The following GLT8D2 variants were observed in gnomAD, a reference collection of about 807,000 sequenced individuals.
GLT8D2 encodes the protein glycosyltransferase 8 domain containing 2, also known as glycosyltransferase 8 domain-containing protein 2.
In GLT8D2, 45 loss-of-function variants were observed where a neutral mutation model predicts 44.5. The observed-to-expected ratio is 1.01, with a 90% confidence interval of 0.80 to 1.30. The LOEUF (loss-of-function observed/expected upper bound fraction) is 1.30. GLT8D2 is among the 50% of genes most tolerant of loss of function. GLT8D2 has a pLI of 0.00. For synonymous variants in GLT8D2, 156 were observed against 157.2 expected (o/e 0.99, Z 0.06); for missense variants, 400 against 430.4 (o/e 0.93, Z 0.62).
intron 10 of GLT8D2, among the ~76,000 whole-genome samples, chr12:103,993,118 G>A (rs1872978029): frequency 6.6e-6 from 1 of 152,146 alleles, no homozygotes; most frequent in Admixed American, 6.5e-5. Context: ...ATCACCTAAG[G>A]TCAGGAGTTT....
intron 10 of GLT8D2, among the ~76,000 whole-genome samples, chr12:103,991,856 C>T (rs1417753763): frequency 6.9e-6 from 1 of 145,184 alleles, no homozygotes; most frequent in Non-Finnish European, 1.5e-5. Context: ...GATTATGGGA[C>T]ATAACACCTT....
In GLT8D2 at chr12:104,003,308, T is replaced by C; in HGVS notation, c.113-2A>G. 1 of 1,613,788 alleles carries C rather than the reference T, an allele frequency of 6.2e-7. No individual in the cohort carries two copies. The highest frequency in any genetic ancestry group is 8.5e-7 in the Non-Finnish European group (1 of 1,179,792). On this transcript the variant is annotated splice_acceptor_variant, in intron 4 of 10. Coordinates refer to ENST00000360814, the MANE Select transcript of GLT8D2 (RefSeq NM_001384711.1). LOFTEE classifies it high-confidence loss of function. ...CTTCAGGAGTCTCGGATTCATCATCTGGAAACATAAAAACTGGTGTCTTGG... is the reference window on the plus strand; with the variant it reads ...CTTCAGGAGTCTCGGATTCATCATCCGGAAACATAAAAACTGGTGTCTTGG...
intron 1 of GLT8D2, among the ~76,000 whole-genome samples, chr12:104,041,474 G>A (rs1279591327): frequency 6.6e-6 from 1 of 152,170 alleles, no homozygotes; most frequent in Non-Finnish European, 1.5e-5. Flanking sequence ...TCCTTGGGAG[G>A]CTGAGACAGG....
At chr12:104,007,233 G>GCT (rs57109528) in intron 4 of GLT8D2, among the ~76,000 whole-genome samples, 22,978 of 66,014 alleles carry the variant, frequency 0.35, 4,275 homozygotes, top group Non-Finnish European at 0.37. Context: ...TATACTTAAA[G>GCT]CTCTCTCTCT....
chr12:104,026,555 G>A (rs1878600185), intron 1 of GLT8D2, among the ~76,000 whole-genome samples: 3 of 152,076 alleles, frequency 2.0e-5, no homozygotes, highest in Non-Finnish European at 2.9e-5. Flanking sequence ...CAATACCTTG[G>A]ATATTCATTA....
Position 104,003,323 on chromosome 12 carries a change from T to C in GLT8D2, c.113-17A>G. The C allele has an allele frequency of 1.2e-6, 2 of 1,612,640 alleles. No individual in the cohort carries two copies. Among genetic ancestry groups the C allele is most frequent in the Non-Finnish European group, 1.7e-6 (2 of 1,178,906 alleles). On this transcript the variant is annotated splice_polypyrimidine_tract_variant and intron_variant, in intron 4 of 10. Transcript: ENST00000360814. ...ATTCATCATCTGGAAACATAAAAAC[T>C]GGTGTCTTGGAACATGAAAGAATTT...
intron 1 of GLT8D2, among the ~76,000 whole-genome samples, chr12:104,044,222 C>T (rs1264253612): frequency 6.6e-6 from 1 of 152,182 alleles, no homozygotes; most frequent in Non-Finnish European, 1.5e-5. Context: ...GGCTTGCCCC[C>T]TCATGTCTCT....
chr12:104,001,645 T>C (rs1874230725), intron 5 of GLT8D2, among the ~76,000 whole-genome samples: 1 of 152,184 alleles, frequency 6.6e-6, no homozygotes, highest in Non-Finnish European at 1.5e-5. Context: ...TGCAAAAATG[T>C]TTCAATTCAC....
intron 1 of GLT8D2, among the ~76,000 whole-genome samples, chr12:104,060,787 G>A (rs757830910): frequency 6.6e-6 from 1 of 152,088 alleles, no homozygotes; most frequent in Non-Finnish European, 1.5e-5. Context: ...GCCAGGCATG[G>A]TAGTGCACAC....
intron 1 of GLT8D2, among the ~76,000 whole-genome samples, chr12:104,058,101 C>T (rs954552803): frequency 6.6e-6 from 1 of 152,198 alleles, no homozygotes; most frequent in Non-Finnish European, 1.5e-5. Flanking sequence ...GGTAGTCTCA[C>T]CTCTCCCCTT....
intron 4 of GLT8D2, among the ~76,000 whole-genome samples, chr12:104,003,811 G>T (rs1269759463): frequency 6.6e-6 from 1 of 152,144 alleles, no homozygotes; most frequent in Admixed American, 6.6e-5. Flanking sequence ...CTTCTATTTT[G>T]TTTATGTCGC....
At position 103,998,533 on chromosome 12, in the gene GLT8D2, C is replaced by T. The variant is rs537228380; in HGVS notation, c.402+864G>A. 2.6e-5 allele frequency among the ~76,000 whole-genome samples: 4 copies of T among 152,246 alleles called. No homozygotes were observed. In the South Asian group the frequency reaches 8.3e-4, roughly 32 times the overall value. ...CAAGCGATTATCCTGCCTCAGACTC[C>T]CGAGTAGCCGGGGCTACAGGTGCCT... On this transcript the variant is annotated intron_variant, in intron 6 of 10. Transcript: ENST00000360814.
chr12:104,055,822 G>C (rs778800211), intron 1 of GLT8D2, among the ~76,000 whole-genome samples: 108 of 152,258 alleles, frequency 7.1e-4, no homozygotes, highest in Middle Eastern at 3.4e-3. Context: ...TACCACATTG[G>C]GTCAGGCTGA....
intron 4 of GLT8D2, among the ~76,000 whole-genome samples, chr12:104,010,916 C>A (rs186837405): frequency 6.6e-6 from 1 of 152,142 alleles, no homozygotes; most frequent in Admixed American, 6.5e-5. Flanking sequence ...CAGAGTCAGA[C>A]GGAGGCCTTC....
intron 1 of GLT8D2, among the ~76,000 whole-genome samples, chr12:104,036,381 T>C (rs1879931133): frequency 6.6e-6 from 1 of 151,630 alleles, no homozygotes; most frequent in Non-Finnish European, 1.5e-5. Flanking sequence ...GGATAAAGAG[T>C]CAAGACCCAT....
At chr12:104,009,775 T>C (rs1311647757) in intron 4 of GLT8D2, among the ~76,000 whole-genome samples, 1 of 152,240 alleles carries the variant, frequency 6.6e-6, no homozygotes, top group East Asian at 1.9e-4. Flanking sequence ...CATACTGTTC[T>C]CATGGTAGTG....
chr12:103,994,410 A>G lies in GLT8D2; in HGVS notation c.692T>C (p.Ile231Thr), dbSNP rs1873150182. The G allele has an allele frequency of 1.9e-6, 3 of 1,614,124 alleles. No individual in the cohort carries two copies. Among genetic ancestry groups the G allele is most frequent in the Non-Finnish European group, 2.5e-6 (3 of 1,179,994 alleles). The change falls in exon 9 of 11, where the codon ATT becomes ACT. Residue 231 changes from isoleucine to threonine, a missense_variant. Transcript: ENST00000360814. Reference sequence around the variant, plus strand: ...CTTCCATTCTGTCATGTTGGCAACAATCACACCAGGATTGAAAGAGCAGGT... The same window carrying G: ...CTTCCATTCTGTCATGTTGGCAACAGTCACACCAGGATTGAAAGAGCAGGT... ...PSTCSFNPGV[I>T]VANMTEWKHQ...
intron 1 of GLT8D2, among the ~76,000 whole-genome samples, chr12:104,029,389 G>A (rs1318285750): frequency 4.6e-5 from 7 of 152,138 alleles, no homozygotes; most frequent in Admixed American, 3.9e-4. Context: ...TGGCATTAAT[G>A]TTAAATTTCC....
intron 1 of GLT8D2, among the ~76,000 whole-genome samples, chr12:104,060,338 A>G (rs1237157341): frequency 1.3e-5 from 2 of 152,184 alleles, no homozygotes; most frequent in Non-Finnish European, 2.9e-5. Flanking sequence ...TCCAAACTAC[A>G]TTCTTGAAGT....
Sources: gnomAD v4.1 joint callset for allele counts (sites outside exome capture counted in the v4.1 genomes callset) on GRCh38, gnomAD v4.1.1 for gene constraint, MANE v1.5 for transcripts, NCBI Gene and HGNC (gene_info 2026-07-23, HGNC 2026-07-21) for gene names.